Variants in FBXO40 observed in about 807,000 individuals in gnomAD.
FBXO40 encodes the protein F-box only protein 40.
FBXO40 carries 50 observed loss-of-function variants against 49.9 expected under a neutral mutation model. That is an observed-to-expected ratio of 1.00 (90% CI 0.80 to 1.27). The LOEUF (loss-of-function observed/expected upper bound fraction) is 1.27, where lower values mean the gene tolerates loss of function less well. FBXO40 is among the 50% of genes most tolerant of loss of function. The pLI is 0.00. For missense variants in FBXO40, 895 were observed against 870.1 expected, an observed-to-expected ratio of 1.03 and a Z score of -0.36; for synonymous variants, 340 against 320.2, an observed-to-expected ratio of 1.06 and a Z score of -0.66.
At chr3:121,596,337 A>C (rs193033774) in intron 1 of FBXO40, among the ~76,000 whole-genome samples, 1 of 152,234 alleles carries the variant, frequency 6.6e-6, no homozygotes, top group African/African-American at 2.4e-5. Flanking sequence ...CTAGAGCCAG[A>C]GACTCTGGGA....
intron 1 of FBXO40, among the ~76,000 whole-genome samples, chr3:121,610,021 G>A (rs1255991678): frequency 1.3e-5 from 2 of 152,194 alleles, no homozygotes; most frequent in Admixed American, 6.5e-5. Context: ...AGGTCTGCTG[G>A]GCCATTATGG....
In FBXO40 at chr3:121,627,619, GA is replaced by G; in HGVS notation, c.*710del. The G allele has an allele frequency of 2.6e-6, 1 of 382,354 alleles. No individual in the cohort carries two copies. The highest frequency in any genetic ancestry group is 2.1e-5 in the African/African-American group (1 of 48,394). The allele number at this position is 382,354 out of a possible 1,614,324, so 23.7% of individuals were successfully genotyped here. A position where few individuals can be genotyped will look rare whatever the true frequency, so the allele number is the denominator to read the frequency against. ...GCCTTGATAAATCGGGAGTCCAAAG[GA>G]GACACCATATTTATGGAGAACATTA... On this transcript the variant is annotated 3_prime_UTR_variant, in exon 4 of 4. Transcript: ENST00000338040.
At chr3:121,613,301 A>G (rs1433037747) in intron 1 of FBXO40, among the ~76,000 whole-genome samples, 2 of 152,260 alleles carry the variant, frequency 1.3e-5, no homozygotes, top group East Asian at 3.9e-4. Context: ...GGGAGGAACT[A>G]CTGGAGCCAG....
intron 1 of FBXO40, among the ~76,000 whole-genome samples, chr3:121,597,121 T>TGCCAGGTTCTGCCAACTGGGC (rs1258411989): frequency 6.6e-6 from 1 of 152,196 alleles, no homozygotes; most frequent in Non-Finnish European, 1.5e-5. Flanking sequence ...ACAGCAACTT[T>TGCCAGGTTCTGCCAACTGGGC]GCCAGGTTCT....
chr3:121,603,230 C>T (rs927841989), intron 1 of FBXO40, among the ~76,000 whole-genome samples: 8 of 152,160 alleles, frequency 5.3e-5, no homozygotes, highest in African/African-American at 1.9e-4. Context: ...CTCAGATTCC[C>T]ACAGGCAAGA....
At position 121,627,066 on chromosome 3, in the gene FBXO40, G is replaced by A. The variant is rs904601694; in HGVS notation, c.*156G>A. ...GCAATGTCCTTCGAAACCTCAACAC[G>A]AGGCCTAAGAATTTCCTAAGCCATG... is the stretch of plus-strand genomic sequence containing the variant. On this transcript the variant is annotated 3_prime_UTR_variant, in exon 4 of 4. Coordinates refer to ENST00000338040, the MANE Select transcript of FBXO40 (RefSeq NM_016298.4). 1.1e-5 allele frequency: 7 copies of A among 641,558 alleles called. No individual in the cohort carries two copies. The highest frequency in any genetic ancestry group is 1.9e-5 in the South Asian group (1 of 52,086). The allele number at this position is 641,558 out of a possible 1,614,324, so 39.7% of individuals were successfully genotyped here.
At position 121,616,266 on chromosome 3, in the gene FBXO40, G is replaced by A. The variant is rs1204750511; in HGVS notation, c.-30-4280G>A. Among the ~76,000 whole-genome samples the A allele has an allele frequency of 2.6e-5, 4 of 152,232 alleles. 1 individual carries two copies. In the East Asian group the frequency reaches 7.7e-4, roughly 29 times the overall value. Reference sequence around the variant, plus strand: ...TTTCACACTCAGTAGCCCCAGTGGGGTCCAGAACAAGGGTTCTCATTTATT... The same window carrying A: ...TTTCACACTCAGTAGCCCCAGTGGGATCCAGAACAAGGGTTCTCATTTATT... On this transcript the variant is annotated intron_variant, in intron 1 of 3. Transcript: ENST00000338040.
Position 121,623,064 on chromosome 3 carries a change from T to C in FBXO40, c.1635T>C (p.Ile545=), listed in dbSNP as rs770791989. Residue 545 remains isoleucine, a synonymous_variant, in exon 3 of 4, where the codon ATT becomes ATC. Transcript: ENST00000338040. ...IYSQELKTFA[I]KPEVAPELSE... is the part of the protein sequence containing the mutation. ...GCCAGGAGCTCAAGACCTTTGCCAT[T>C]AAGCCGGAGGTTGCTCCAGAGCTGA... 2 of 1,614,216 alleles carry C rather than the reference T, an allele frequency of 1.2e-6. No homozygotes were observed. The highest frequency in any genetic ancestry group is 1.1e-5 in the South Asian group (1 of 91,078).
At chr3:121,609,830 G>A (rs746696959) in intron 1 of FBXO40, among the ~76,000 whole-genome samples, 1 of 152,236 alleles carries the variant, frequency 6.6e-6, no homozygotes, top group Non-Finnish European at 1.5e-5. Flanking sequence ...ATCAATGCCT[G>A]TACAGCTATA....
intron 1 of FBXO40, among the ~76,000 whole-genome samples, chr3:121,596,164 A>ACCT (rs1371087944): frequency 6.6e-6 from 1 of 151,976 alleles, no homozygotes; most frequent in Non-Finnish European, 1.5e-5. Flanking sequence ...CTTGGTCACC[A>ACCT]CCTCCTCCTC....
Position 121,628,888 on chromosome 3 carries a change from C to A in FBXO40, c.*1978C>A, listed in dbSNP as rs1576458144. 6.6e-6 allele frequency: 1 copy of A among 152,160 alleles called. No individual in the cohort carries two copies. The highest frequency in any genetic ancestry group is 2.4e-5 in the African/African-American group (1 of 41,440). 9.4% of individuals were successfully genotyped at this position (152,160 alleles called of 1,614,324 possible). Reference sequence around the variant, plus strand: ...CTTTGGTTATACCTGAAGCCAGGAGCGTTGAGTTATTAGCCTTGTGTTTAT... The same window carrying A: ...CTTTGGTTATACCTGAAGCCAGGAGAGTTGAGTTATTAGCCTTGTGTTTAT... On this transcript the variant is annotated 3_prime_UTR_variant, in exon 4 of 4. Coordinates refer to ENST00000338040, the MANE Select transcript of FBXO40 (RefSeq NM_016298.4).
Position 121,629,855 on chromosome 3 carries a change from G to A in FBXO40, c.*2945G>A, listed in dbSNP as rs2049083764. Reference sequence around the variant, plus strand: ...ACAGCATGAACAGCGAGTGTTACCTGACAGAGGCAAGACAGCTAGAAGTGG... The same window carrying A: ...ACAGCATGAACAGCGAGTGTTACCTAACAGAGGCAAGACAGCTAGAAGTGG... On this transcript the variant is annotated 3_prime_UTR_variant, in exon 4 of 4. Transcript: ENST00000338040. The A allele has an allele frequency of 6.6e-6, 1 of 152,330 alleles. No individual in the cohort carries two copies. The highest frequency in any genetic ancestry group is 2.1e-4 in the South Asian group (1 of 4,838). 9.4% of individuals were successfully genotyped at this position (152,330 alleles called of 1,614,324 possible). A position where few individuals can be genotyped will look rare whatever the true frequency, so the allele number is the denominator to read the frequency against.
At chr3:121,598,371 T>G (rs1398330370) in intron 1 of FBXO40, among the ~76,000 whole-genome samples, 1 of 152,270 alleles carries the variant, frequency 6.6e-6, no homozygotes, top group Non-Finnish European at 1.5e-5. Context: ...AACCTAGTTT[T>G]GTAAATTGTG....
At chr3:121,594,194 T>C (rs1015223113) in intron 1 of FBXO40, among the ~76,000 whole-genome samples, 3 of 151,100 alleles carry the variant, frequency 2.0e-5, no homozygotes, top group Non-Finnish European at 4.4e-5. Context: ...TATTTATTTA[T>C]TTAATTCATT....
intron 1 of FBXO40, among the ~76,000 whole-genome samples, chr3:121,601,427 T>C (rs2048900917): frequency 6.6e-6 from 1 of 152,032 alleles, no homozygotes; most frequent in African/African-American, 2.4e-5. Flanking sequence ...AAAAGCGTCT[T>C]TGTTATCTCT....
intron 1 of FBXO40, among the ~76,000 whole-genome samples, chr3:121,597,891 G>A (rs2048880809): frequency 6.6e-6 from 1 of 152,038 alleles, no homozygotes; most frequent in Non-Finnish European, 1.5e-5. Flanking sequence ...TCAAACTCCT[G>A]ACCTCAAGTG....
At chr3:121,619,177 G>T (rs534690312) in intron 1 of FBXO40, among the ~76,000 whole-genome samples, 36,554 of 145,966 alleles carry the variant, frequency 0.25, 4,954 homozygotes, top group Middle Eastern at 0.37. Context: ...TTTTTTAACT[G>T]TTTTTTTTTT....
At chr3:121,620,455 GAGAT>G in intron 1 of FBXO40, 87 bp from the exon 2 acceptor site, 1 of 1,150,638 alleles carries the variant, frequency 8.7e-7, no homozygotes. Context: ...GGAATTAAAT[GAGAT>G]AGTGTGTGAA....
intron 3 of FBXO40, among the ~76,000 whole-genome samples, chr3:121,626,105 T>G (rs902601130): frequency 2.2e-4 from 34 of 152,218 alleles, no homozygotes; most frequent in Non-Finnish European, 3.8e-4. Context: ...TATTGGCCTA[T>G]GTAACTAAAA....
Sources: gnomAD v4.1 joint callset for allele counts (sites outside exome capture counted in the v4.1 genomes callset) on GRCh38, gnomAD v4.1.1 for gene constraint, MANE v1.5 for transcripts, NCBI Gene and HGNC (gene_info 2026-07-23, HGNC 2026-07-21) for gene names.